The following SASH1 variants were observed in gnomAD, a reference collection of about 807,000 sequenced individuals.
SASH1 encodes SAM and SH3 domain containing 1, also known as SAM and SH3 domain-containing protein 1.
Under a neutral mutation model 125.2 loss-of-function variants are expected in SASH1, and 44 were observed. The ratio of observed to expected loss-of-function variants is 0.35; its 90% CI spans 0.28 to 0.45. SASH1 has a LOEUF of 0.45. SASH1 is among the 20% of genes least tolerant of loss of function. The pLI, the probability that SASH1 is intolerant of heterozygous loss-of-function variation, is 1.00. For synonymous variants in SASH1, 639 were observed against 649.1 expected, an observed-to-expected ratio of 0.98 and a Z score of 0.24; for missense variants, 1,426 against 1,614.5, an observed-to-expected ratio of 0.88 and a Z score of 2.00.
intron 2 of SASH1, among the ~76,000 whole-genome samples, chr6:148,413,817 C>G (rs1181827700): frequency 1.3e-5 from 2 of 152,194 alleles, no homozygotes; most frequent in Non-Finnish European, 1.5e-5. Context: ...TCCTTCTGCT[C>G]CCCTCTTCTT....
intron 2 of SASH1, among the ~76,000 whole-genome samples, chr6:148,406,310 G>A (rs1285988234): frequency 2.0e-5 from 3 of 151,862 alleles, no homozygotes; most frequent in Non-Finnish European, 2.9e-5. Flanking sequence ...TTGCTGATAC[G>A]AGTAAAATCT....
At chr6:148,305,052 A>C (rs765862436) in intron 1 of SASH1, among the ~76,000 whole-genome samples, 3 of 152,150 alleles carry the variant, frequency 2.0e-5, no homozygotes, top group Non-Finnish European at 4.4e-5. Flanking sequence ...TAAATAAATA[A>C]CTTCTACAGT....
In SASH1 at chr6:148,544,705, C is replaced by T; in HGVS notation, c.3235C>T (p.Pro1079Ser). The change falls in exon 18 of 20, where the codon CCG becomes TCG. Residue 1079 changes from proline to serine, a missense_variant. Pro to Ser is a moderately conservative substitution (Grantham distance 74). Transcript: ENST00000367467. This position sits in a 1 kb window ranked among gnomAD's most constrained non-coding sequence, Gnocchi z 6.4. ...SLQEHGVKLG[P>S]ALTRKVSCAR... is the part of the protein sequence containing the mutation. ...CCAGGAGCACGGTGTGAAGCTGGGC[C>T]CGGCTTTGACCAGGAAGGTCTCCTG... is the stretch of plus-strand genomic sequence containing the variant. The T allele has an allele frequency of 6.2e-7, 1 of 1,611,448 alleles. No individual in the cohort carries two copies. The highest frequency in any genetic ancestry group is 8.5e-7 in the Non-Finnish European group (1 of 1,178,798).
At chr6:148,418,593 T>C (rs907613945) in intron 2 of SASH1, among the ~76,000 whole-genome samples, 1 of 152,232 alleles carries the variant, frequency 6.6e-6, no homozygotes. Context: ...GCTTCCAGTC[T>C]TCTCTACTCT....
chr6:148,514,741 T>G (rs1169977455), intron 9 of SASH1, among the ~76,000 whole-genome samples: 1 of 152,222 alleles, frequency 6.6e-6, no homozygotes, highest in Non-Finnish European at 1.5e-5. Flanking sequence ...TATAGCTTTA[T>G]GTATGAGCTT....
chr6:148,376,899 G>A (rs1047258059), intron 1 of SASH1, among the ~76,000 whole-genome samples: 5 of 151,656 alleles, frequency 3.3e-5, no homozygotes, highest in Admixed American at 6.6e-5. Flanking sequence ...GGCCGGGCGC[G>A]GTGGCTCACG....
chr6:148,404,491 T>C (rs1380296199), intron 2 of SASH1, among the ~76,000 whole-genome samples: 1 of 151,566 alleles, frequency 6.6e-6, no homozygotes, highest in Non-Finnish European at 1.5e-5. Context: ...ACCGGTACAA[T>C]AGAAAAAAAA....
At chr6:148,195,951 A>C in the SASH1 span, among the ~76,000 whole-genome samples, 2 of 152,162 alleles carry the variant, frequency 1.3e-5, no homozygotes, top group African/African-American at 4.8e-5. Context: ...TTGTTATCTG[A>C]ACTGTGTAGA....
At chr6:148,349,303 C>T (rs183804282) in intron 1 of SASH1, among the ~76,000 whole-genome samples, 3 of 128,020 alleles carry the variant, frequency 2.3e-5, no homozygotes, top group African/African-American at 3.1e-5. Flanking sequence ...ACTCTGTTGC[C>T]CAGGCTGGAG....
chr6:148,277,862 G>A lies in SASH1; in HGVS notation n.74+5485G>A, dbSNP rs149180679. Among the ~76,000 whole-genome samples the A allele has an allele frequency of 1.5e-3, 223 of 151,782 alleles. 4 individuals carry two copies. The East Asian group carries it at 0.038, about 26-fold the overall frequency. On this transcript the variant is annotated intron_variant and non_coding_transcript_variant, in intron 1 of 3. Coordinates refer to the SASH1 transcript ENST00000367469. Reference sequence around the variant, plus strand: ...CTCCTGAGTAACTGGGACTACAGGCGCGCGCCACCAAGCCCAGCTAATTTT... The same window carrying A: ...CTCCTGAGTAACTGGGACTACAGGCACGCGCCACCAAGCCCAGCTAATTTT...
At chr6:148,209,447 G>T in the SASH1 span, among the ~76,000 whole-genome samples, 14 of 152,354 alleles carry the variant, frequency 9.2e-5, no homozygotes, top group African/African-American at 2.9e-4. Context: ...ACAGAGAAGA[G>T]AAATTCATAG....
intron 8 of SASH1, among the ~76,000 whole-genome samples, chr6:148,489,749 A>AT (rs1485619422): frequency 2.0e-5 from 3 of 151,350 alleles, no homozygotes; most frequent in Non-Finnish European, 4.4e-5. Flanking sequence ...TGCTTTTTAA[A>AT]TTTTTTTCAA....
At chr6:148,428,565 G>T (rs1243514265) in intron 2 of SASH1, among the ~76,000 whole-genome samples, 1 of 139,908 alleles carries the variant, frequency 7.1e-6, no homozygotes, top group African/African-American at 2.6e-5. Context: ...AGAGGCGGAG[G>T]TTGCAGTGAG....
In SASH1 at chr6:148,362,206, C is replaced by T. The variant is rs534677358; in HGVS notation, c.156+18983C>T. 6.7e-5 allele frequency among the ~76,000 whole-genome samples: 10 copies of T among 149,572 alleles called. No individual in the cohort carries two copies. In the South Asian group the frequency reaches 8.5e-4, roughly 13 times the overall value. On this transcript the variant is annotated intron_variant, in intron 1 of 19. Coordinates refer to ENST00000367467, the MANE Select transcript of SASH1 (RefSeq NM_015278.5). ...CCTCCCAAAGTGCTGGGATTACAGG[C>T]GTGAGCCACCGTGCCTGGCCTCTTT...
chr6:148,205,229 A>G, the SASH1 span, among the ~76,000 whole-genome samples: 1 of 152,152 alleles, frequency 6.6e-6, no homozygotes, highest in African/African-American at 2.4e-5. Flanking sequence ...AGTGGTCCGC[A>G]TACCTGGCCT....
chr6:148,440,275 T>G (rs777910819), intron 3 of SASH1, 41 bp downstream of exon 3: 25 of 1,097,574 alleles, frequency 2.3e-5, no homozygotes, highest in Non-Finnish European at 3.0e-5. Context: ...TGCTTCTGCC[T>G]TTTTTTTTTA....
At chr6:148,324,613 A>G (rs1780747946) in intron 1 of SASH1, among the ~76,000 whole-genome samples, 1 of 152,230 alleles carries the variant, frequency 6.6e-6, no homozygotes, top group Non-Finnish European at 1.5e-5. Flanking sequence ...TCTCAGCTGC[A>G]GAAAAAAGTA....
At chr6:148,344,715 C>T (rs1781462631) in intron 1 of SASH1, among the ~76,000 whole-genome samples, 1 of 151,638 alleles carries the variant, frequency 6.6e-6, no homozygotes, top group Admixed American at 6.6e-5. Context: ...TTCCAGAAAA[C>T]CTAATGGACA....
chr6:148,300,929 T>C (rs1274114364), intron 1 of SASH1, among the ~76,000 whole-genome samples: 1 of 152,184 alleles, frequency 6.6e-6, no homozygotes, highest in Non-Finnish European at 1.5e-5. Context: ...TTTTTATTAG[T>C]AGTCATTGCA....
Sources: gnomAD v4.1 joint callset for allele counts (sites outside exome capture counted in the v4.1 genomes callset) on GRCh38, gnomAD v4.1.1 for gene constraint, Gnocchi (gnomAD v3.1) non-coding constraint, MANE v1.5 for transcripts, NCBI Gene and HGNC (gene_info 2026-07-23, HGNC 2026-07-21) for gene names.